PCAT7: variants seen among roughly 807,000 people sequenced by gnomAD.
PCAT7 encodes the protein prostate cancer associated transcript 7.
chr9:94,568,366 C>T (rs1047738891), intron 2 of PCAT7: 1 of 152,190 alleles, frequency 6.6e-6, no homozygotes, highest in African/African-American at 2.4e-5. Context: ...TGGTCAGTAC[C>T]TGCAGGGCAT....
At chr9:94,554,895 G>C (rs1045304774), upstream of PCAT7, among the ~76,000 whole-genome samples, 1 of 152,112 alleles carries the variant, frequency 6.6e-6, no homozygotes, top group Non-Finnish European at 1.5e-5. Flanking sequence ...GAAATGACGC[G>C]CCGCTGCCTC....
At chr9:94,565,706 A>G (rs1827176564) in intron 2 of PCAT7, among the ~76,000 whole-genome samples, 1 of 151,618 alleles carries the variant, frequency 6.6e-6, no homozygotes, top group African/African-American at 2.4e-5. Flanking sequence ...GCTACGAGAA[A>G]TCTCTCAGTT....
chr9:94,554,857 A>C (rs1826981591), upstream of PCAT7, among the ~76,000 whole-genome samples: 1 of 152,154 alleles, frequency 6.6e-6, no homozygotes, highest in Non-Finnish European at 1.5e-5. Flanking sequence ...GGTACGTAGT[A>C]GCTCCCCACA....
At chr9:94,558,924 T>A (rs751535157) in intron 1 of PCAT7, 1 of 1,613,436 alleles carries the variant, frequency 6.2e-7, no homozygotes. Context: ...AGAGGGCATG[T>A]GGGGTCAAAC....
chr9:94,561,072 G>A (rs1827091814), intron 2 of PCAT7, among the ~76,000 whole-genome samples: 1 of 152,196 alleles, frequency 6.6e-6, no homozygotes, highest in Admixed American at 6.5e-5. Context: ...TCTAGCCAAG[G>A]AGACTCTCAC....
intron 1 of PCAT7, chr9:94,558,957 T>C: frequency 6.2e-7 from 1 of 1,614,132 alleles, no homozygotes; most frequent in Non-Finnish European, 8.5e-7. Flanking sequence ...TGCCTGATTT[T>C]TCTGCACACA....
At chr9:94,557,895 C>A (rs1193768086) in intron 1 of PCAT7, among the ~76,000 whole-genome samples, 2 of 152,216 alleles carry the variant, frequency 1.3e-5, no homozygotes, top group Non-Finnish European at 2.9e-5. Flanking sequence ...AACCCCTCCC[C>A]AGTCTTAACA....
chr9:94,563,861 C>T (rs1361341927), intron 2 of PCAT7, among the ~76,000 whole-genome samples: 1 of 152,152 alleles, frequency 6.6e-6, no homozygotes, highest in Middle Eastern at 3.2e-3. Context: ...ACAAAATAGA[C>T]TTTAAACCAA....
intron 2 of PCAT7, chr9:94,567,567 G>A (rs1204846337): frequency 2.0e-5 from 15 of 751,308 alleles, no homozygotes; most frequent in Admixed American, 2.7e-5. Context: ...TTCATGAGTG[G>A]TGGGAAGAAT....
intron 1 of PCAT7, among the ~76,000 whole-genome samples, chr9:94,556,494 A>AATGG (rs1161513900): frequency 6.6e-6 from 1 of 152,020 alleles, no homozygotes; most frequent in Non-Finnish European, 1.5e-5. Context: ...AAGGTGGGGA[A>AATGG]ATGGTGGGGG....
intron 1 of PCAT7, among the ~76,000 whole-genome samples, chr9:94,556,698 C>T (rs1463119290): frequency 2.0e-5 from 3 of 152,148 alleles, no homozygotes; most frequent in African/African-American, 7.2e-5. Context: ...TTAAGTTTAA[C>T]GTAATTACAT....
At chr9:94,559,256 T>C in intron 2 of PCAT7, 1 of 772,822 alleles carries the variant, frequency 1.3e-6, no homozygotes, top group African/African-American at 1.7e-5. Flanking sequence ...GAGCGCACCA[T>C]GCACCTTGCA....
intron 1 of PCAT7, among the ~76,000 whole-genome samples, chr9:94,556,862 TGGTAA>T (rs1827020471): frequency 6.6e-6 from 1 of 152,228 alleles, no homozygotes; most frequent in African/African-American, 2.4e-5. Context: ...TTTTTGTATA[TGGTAA>T]GGTAATGGCC....
At chr9:94,568,472 C>A (rs599229) in intron 2 of PCAT7, 73,852 of 151,900 alleles carry the variant, frequency 0.49, 18,567 homozygotes, top group East Asian at 0.61. Context: ...ATGTCTGTCT[C>A]AGTCACTAGG....
chr9:94,556,432 G>GAGGA (rs751347368), intron 1 of PCAT7, among the ~76,000 whole-genome samples: 141 of 152,128 alleles, frequency 9.3e-4, no homozygotes, highest in Non-Finnish European at 1.1e-3. Flanking sequence ...GGGGTAGATG[G>GAGGA]AGGAAGAGAA....
At chr9:94,560,768 A>G (rs913970375) in intron 2 of PCAT7, among the ~76,000 whole-genome samples, 7 of 147,514 alleles carry the variant, frequency 4.7e-5, no homozygotes, top group South Asian at 2.1e-4. Flanking sequence ...ATATAATGTT[A>G]TTATATATTT....
At chr9:94,564,697 GAT>G (rs1466098517) in intron 2 of PCAT7, among the ~76,000 whole-genome samples, 3 of 152,128 alleles carry the variant, frequency 2.0e-5, no homozygotes, top group African/African-American at 7.2e-5. Context: ...GAGCAGAAAA[GAT>G]AAGTATTGGA....
At chr9:94,558,363 C>T (rs147407294) in intron 1 of PCAT7, among the ~76,000 whole-genome samples, 24 of 152,272 alleles carry the variant, frequency 1.6e-4, no homozygotes, top group African/African-American at 5.3e-4. Flanking sequence ...GGCGCGATCT[C>T]GGCTCACTGC....
At chr9:94,566,728 T>C (rs996757947) in intron 2 of PCAT7, among the ~76,000 whole-genome samples, 1 of 152,226 alleles carries the variant, frequency 6.6e-6, no homozygotes, top group Non-Finnish European at 1.5e-5. Flanking sequence ...TTAAAAAGAC[T>C]GCCTTAAGAT....
Sources: allele counts gnomAD v4.1 joint callset (sites outside exome capture counted in the v4.1 genomes callset), GRCh38; gene constraint gnomAD v4.1.1; transcripts MANE v1.5; gene names NCBI Gene and HGNC (gene_info 2026-07-23, HGNC 2026-07-21).